MACO1: variants seen among roughly 807,000 people sequenced by gnomAD.
The protein encoded by MACO1 is macoilin.
A neutral mutation model predicts 78.7 loss-of-function variants in MACO1; 14 were observed. That is an observed-to-expected ratio of 0.18 (90% confidence interval 0.12 to 0.28). The LOEUF (loss-of-function observed/expected upper bound fraction) is 0.28. Ranked by LOEUF, MACO1 falls within the 10% of genes least tolerant of loss-of-function variation. MACO1 has a pLI of 1.00. For missense variants in MACO1, 501 were observed against 799.0 expected, an observed-to-expected ratio of 0.63 and a Z score of 4.50; for synonymous variants, 288 against 291.6, an observed-to-expected ratio of 0.99 and a Z score of 0.12.
chr1:25,464,943 G>A (rs909901518), intron 6 of MACO1, among the ~76,000 whole-genome samples: 13 of 150,824 alleles, frequency 8.6e-5, no homozygotes, highest in Non-Finnish European at 1.8e-4. Flanking sequence ...CAAAGTGCTG[G>A]AATTACAGGC....
chr1:25,439,405 TAAACAAAC>T (rs143442147), intron 1 of MACO1, among the ~76,000 whole-genome samples: 18 of 151,196 alleles, frequency 1.2e-4, no homozygotes, highest in Non-Finnish European at 2.2e-4. Context: ...CTGAAAAAAA[TAAACAAAC>T]AAAAAAGGGC....
Position 25,498,813 on chromosome 1 carries a change from A to G in MACO1, c.*347A>G, listed in dbSNP as rs920912013. The G allele has an allele frequency of 2.4e-5, 5 of 209,672 alleles. No homozygotes were observed. Among genetic ancestry groups the G allele is most frequent in the Non-Finnish European group, 4.7e-5 (5 of 106,704 alleles). The allele number at this position is 209,672 out of a possible 1,614,324, so 13.0% of individuals were successfully genotyped here. A position where few individuals can be genotyped will look rare whatever the true frequency, so the allele number is the denominator to read the frequency against. On this transcript the variant is annotated 3_prime_UTR_variant, in exon 11 of 11. Transcript: ENST00000374343. ...CAGAGTTTTTGTTTTTCAACCCTTT[A>G]TGTTTGTTTTGTTTTATTCTTAAAT...
chr1:25,431,262 C>T (rs1469087502), intron 1 of MACO1, 84 bp downstream of exon 1: 10 of 1,061,728 alleles, frequency 9.4e-6, no homozygotes, highest in African/African-American at 1.7e-5. Flanking sequence ...TTATGTAACC[C>T]CGAGTAGGCC....
intron 6 of MACO1, 122 bp downstream of exon 6, chr1:25,459,014 T>C: frequency 7.9e-7 from 1 of 1,271,824 alleles, no homozygotes; most frequent in South Asian, 1.5e-5. Context: ...TGACGTGTGG[T>C]GTTTTACATG....
At chr1:25,442,986 A>G (rs2042985518) in intron 1 of MACO1, among the ~76,000 whole-genome samples, 1 of 152,234 alleles carries the variant, frequency 6.6e-6, no homozygotes, top group South Asian at 2.1e-4. Flanking sequence ...GAGTCATATA[A>G]TGAACTGTGT....
chr1:25,438,641 G>A (rs929866370), intron 1 of MACO1, among the ~76,000 whole-genome samples: 14 of 152,300 alleles, frequency 9.2e-5, no homozygotes, highest in Non-Finnish European at 1.8e-4. Context: ...CGTGGCTCAC[G>A]CCTGTAATCC....
intron 3 of MACO1, 58 bp downstream of exon 3, chr1:25,448,992 G>C: frequency 7.3e-7 from 1 of 1,365,806 alleles, no homozygotes; most frequent in Non-Finnish European, 9.6e-7. Flanking sequence ...TTTTAAATGT[G>C]GTTATTTCTT....
chr1:25,448,813 C>T lies in MACO1; in HGVS notation c.228C>T (p.Phe76=), dbSNP rs776668605. 10 of 1,541,860 alleles carry T rather than the reference C, an allele frequency of 6.5e-6. No individual in the cohort carries two copies. In the Admixed American group the frequency reaches 1.5e-4, roughly 24 times the overall value. The stretch of plus-strand genomic sequence containing the variant: ...TGTTTTATTTTTCCCTTTAGGCCTT[C>T]TCAGTATTTTTTGTTTGTGTAGCAT... ...YDSFRYQGLA[F]SVFFVCVAFT... The change falls in exon 3 of 11, where the codon TTC becomes TTT. Residue 76 remains phenylalanine, a synonymous_variant. Transcript: ENST00000374343.
chr1:25,458,550 A>G lies in MACO1; in HGVS notation c.812A>G (p.Asn271Ser), dbSNP rs980341310. Reference sequence around the variant, plus strand: ...GCCAAAAAACACAACCTTGGAATAAATAACAACAATATTCTACAACCTGTA... The same window carrying G: ...GCCAAAAAACACAACCTTGGAATAAGTAACAACAATATTCTACAACCTGTA... The part of the protein sequence containing the change: ...KDAKKHNLGI[N>S]NNNILQPVDS... Residue 271 changes from asparagine to serine, a missense_variant, in exon 6 of 11, where the codon AAT becomes AGT. By Grantham distance (46) the Asn-to-Ser change is conservative (BLOSUM62 1). Transcript: ENST00000374343. 4.3e-6 allele frequency: 7 copies of G among 1,613,996 alleles called. No individual in the cohort carries two copies. Among genetic ancestry groups the G allele is most frequent in the African/African-American group, 4.0e-5 (3 of 74,894 alleles).
intron 3 of MACO1, among the ~76,000 whole-genome samples, chr1:25,451,728 G>A (rs761496689): frequency 5.3e-5 from 8 of 151,916 alleles, no homozygotes; most frequent in South Asian, 4.1e-4. Flanking sequence ...CCAAAATGGC[G>A]AAACTTGTCT....
intron 3 of MACO1, among the ~76,000 whole-genome samples, 199 bp downstream of exon 3, chr1:25,449,133 T>C (rs750007317): frequency 1.3e-5 from 2 of 152,192 alleles, no homozygotes; most frequent in Non-Finnish European, 2.9e-5. Flanking sequence ...CTGTTATGAT[T>C]TGATATTTTA....
chr1:25,477,026 C>T (rs2043326595), intron 6 of MACO1, among the ~76,000 whole-genome samples: 8 of 152,136 alleles, frequency 5.3e-5, no homozygotes. Context: ...TAGCACAGTC[C>T]CTGGCTTCAA....
intron 6 of MACO1, among the ~76,000 whole-genome samples, chr1:25,464,779 C>A (rs1265990168): frequency 6.6e-6 from 1 of 151,560 alleles, no homozygotes; most frequent in African/African-American, 2.4e-5. Flanking sequence ...GTCTTAGCCT[C>A]CCAAGTAGCT....
intron 1 of MACO1, among the ~76,000 whole-genome samples, chr1:25,443,570 G>A (rs897520572): frequency 5.9e-5 from 9 of 152,184 alleles, no homozygotes; most frequent in Non-Finnish European, 1.3e-4. Context: ...AAGGAACCCC[G>A]CCTTAAAGTT....
chr1:25,447,042 G>A, intron 2 of MACO1, 139 bp downstream of exon 2: 1 of 1,034,458 alleles, frequency 9.7e-7, no homozygotes, highest in Non-Finnish European at 1.3e-6. Context: ...AAACTATTTT[G>A]TCTAAACCCA....
At chr1:25,445,358 A>G (rs1415914244) in intron 1 of MACO1, among the ~76,000 whole-genome samples, 1 of 151,952 alleles carries the variant, frequency 6.6e-6, no homozygotes, top group Non-Finnish European at 1.5e-5. Context: ...TTTATGGCAT[A>G]CCTCTTAGTA....
At chr1:25,438,516 C>T (rs2042939635) in intron 1 of MACO1, among the ~76,000 whole-genome samples, 1 of 152,186 alleles carries the variant, frequency 6.6e-6, no homozygotes, top group African/African-American at 2.4e-5. Context: ...TGAAAGAGTA[C>T]AGAAACAGAA....
chr1:25,452,765 C>T (rs1408328913), intron 3 of MACO1, among the ~76,000 whole-genome samples: 4 of 149,478 alleles, frequency 2.7e-5, no homozygotes, highest in East Asian at 2.0e-4. Context: ...GGCGCAATCT[C>T]GGCTCACTGC....
intron 2 of MACO1, among the ~76,000 whole-genome samples, chr1:25,448,072 A>G (rs1396824766): frequency 4.6e-5 from 7 of 152,110 alleles, no homozygotes; most frequent in Admixed American, 2.0e-4. Flanking sequence ...TCTTACTAAT[A>G]TTATGGTTCA....
Sources: gnomAD v4.1 joint callset for allele counts (sites outside exome capture counted in the v4.1 genomes callset) on GRCh38, gnomAD v4.1.1 for gene constraint, MANE v1.5 for transcripts, NCBI Gene and HGNC (gene_info 2026-07-23, HGNC 2026-07-21) for gene names.